MMP26: variants seen among roughly 807,000 people sequenced by gnomAD.
MMP26 encodes the protein matrix metalloproteinase-26.
A neutral mutation model predicts 31.0 loss-of-function variants in MMP26; 33 were observed. The observed-to-expected ratio is 1.06, with a 90% CI of 0.81 to 1.42. The LOEUF (loss-of-function observed/expected upper bound fraction) is 1.42, where lower values mean the gene tolerates loss of function less well. Ranked by LOEUF, MMP26 falls within the 40% of genes most tolerant of loss-of-function variation. MMP26 has a pLI of 0.00. For synonymous variants in MMP26, 122 were observed against 114.9 expected (o/e 1.06, Z -0.40); for missense variants, 347 against 316.1 (o/e 1.10, Z -0.74).
At chr11:4,894,089 C>T (rs1026473136) in intron 2 of MMP26, among the ~76,000 whole-genome samples, 1 of 152,060 alleles carries the variant, frequency 6.6e-6, no homozygotes, top group Non-Finnish European at 1.5e-5. Flanking sequence ...TAATTAAGTG[C>T]TTTATTTTAC....
chr11:4,934,905 T>A (rs931370719), intron 2 of MMP26, among the ~76,000 whole-genome samples: 9 of 151,520 alleles, frequency 5.9e-5, no homozygotes, highest in Non-Finnish European at 1.2e-4. Flanking sequence ...GCGTTATTTC[T>A]GAGGGCTCCG....
rs538094100 is a variant in MMP26, at chr11:4,870,686, G to T, written c.-145+103345G>T. Among the ~76,000 whole-genome samples, 6 of 152,226 alleles carry T rather than the reference G, an allele frequency of 3.9e-5. No individual in the cohort carries two copies. The South Asian group carries it at 1.0e-3, about 26-fold the overall frequency. ...TTTGGGTAACTGGGTGAATTGTGGTGTGGTTAGTGATTTACTGAAATGAAC... is the reference window on the plus strand; with the variant it reads ...TTTGGGTAACTGGGTGAATTGTGGTTTGGTTAGTGATTTACTGAAATGAAC... On this transcript the variant is annotated intron_variant, in intron 2 of 7. Transcript: ENST00000380390.
At chr11:4,903,766 T>G (rs1850839367) in intron 2 of MMP26, 1 of 152,142 alleles carries the variant, frequency 6.6e-6, no homozygotes, top group African/African-American at 2.4e-5. Context: ...TTCTTGTTTT[T>G]ATCCTTCAGG....
intron 2 of MMP26, chr11:4,946,235 T>C (rs758426097): frequency 1.2e-6 from 2 of 1,613,972 alleles, no homozygotes; most frequent in Non-Finnish European, 8.5e-7. Flanking sequence ...AACAATTGGG[T>C]TCGTCAGTGG....
At chr11:4,835,067 A>T (rs1849698318) in intron 2 of MMP26, among the ~76,000 whole-genome samples, 1 of 151,754 alleles carries the variant, frequency 6.6e-6, no homozygotes, top group Non-Finnish European at 1.5e-5. Flanking sequence ...AGATCCCACT[A>T]CTCACAGTGT....
At chr11:4,730,466 T>A (rs11033577) in intron 1 of MMP26, among the ~76,000 whole-genome samples, 90,362 of 151,464 alleles carry the variant, frequency 0.6, 27,934 homozygotes, top group African/African-American at 0.74. Flanking sequence ...GACTACTGCA[T>A]ACTCAACCAA....
intron 2 of MMP26, among the ~76,000 whole-genome samples, chr11:4,883,461 C>T (rs1850507722): frequency 6.6e-6 from 1 of 152,080 alleles, no homozygotes; most frequent in Middle Eastern, 3.2e-3. Context: ...TCTTTAATCC[C>T]TTTTCTTCTT....
intron 1 of MMP26, chr11:4,724,313 G>C: frequency 3.2e-6 from 1 of 310,638 alleles, no homozygotes; most frequent in Middle Eastern, 9.4e-4. Flanking sequence ...TACTCTTCAG[G>C]GCCTGAAAAC....
intron 2 of MMP26, among the ~76,000 whole-genome samples, chr11:4,948,924 T>G (rs1044648106): frequency 8.0e-6 from 1 of 124,770 alleles, no homozygotes; most frequent in African/African-American, 2.7e-5. Flanking sequence ...CTTAGCTTTC[T>G]CCAGGTACTT....
Position 4,846,475 on chromosome 11 carries a change from G to A in MMP26, c.-145+79134G>A, listed in dbSNP as rs185018515. On this transcript the variant is annotated intron_variant, in intron 2 of 7. Coordinates refer to ENST00000380390, the MANE Select transcript of MMP26 (RefSeq NM_021801.5). ...AAAAAATAATAGAAAGAATGAATAA[G>A]ACCTACTATTTGATAGTGCAATAGA... Among the ~76,000 whole-genome samples, 39 of 152,126 alleles carry A rather than the reference G, an allele frequency of 2.6e-4. 1 individual carries two copies. The highest frequency in any genetic ancestry group is 9.2e-4 in the African/African-American group (38 of 41,512).
chr11:4,759,081 A>T lies in MMP26; in HGVS notation c.-216-8189A>T, dbSNP rs373105059. ...AGCCGAGATCATGCCACTGCATTCC[A>T]GCCTGGGCAACAAGAGTGACATTCC... On this transcript the variant is annotated intron_variant, in intron 1 of 7. Transcript: ENST00000380390. Among the ~76,000 whole-genome samples the T allele has an allele frequency of 3.5e-5, 5 of 143,318 alleles. No homozygotes were observed. In the East Asian group the frequency reaches 1.0e-3, roughly 29 times the overall value. The allele number at this position is 143,318 out of a possible 152,430, so 94.0% of individuals were successfully genotyped here.
At chr11:4,935,537 C>T (rs1851426380) in intron 2 of MMP26, among the ~76,000 whole-genome samples, 2 of 151,690 alleles carry the variant, frequency 1.3e-5, no homozygotes. Flanking sequence ...GACAATTTGA[C>T]TTCCTCTTTT....
chr11:4,778,679 A>G (rs1331631531), intron 2 of MMP26, among the ~76,000 whole-genome samples: 1 of 152,080 alleles, frequency 6.6e-6, no homozygotes, highest in Non-Finnish European at 1.5e-5. Flanking sequence ...TTGGGATTAC[A>G]TATATATGCC....
chr11:4,969,298 A>G lies in MMP26; in HGVS notation c.-144-18770A>G, dbSNP rs558005121. 9.9e-5 allele frequency among the ~76,000 whole-genome samples: 15 copies of G among 152,176 alleles called. No individual in the cohort carries two copies. In the East Asian group the frequency reaches 1.3e-3, roughly 14 times the overall value. ...TAAAACATATAACAATAAGATGCCA[A>G]AAGAGTGTAAACTTAAACTTATGCT... On this transcript the variant is annotated intron_variant, in intron 2 of 7. Transcript: ENST00000380390.
intron 2 of MMP26, among the ~76,000 whole-genome samples, chr11:4,838,014 T>C (rs1266806649): frequency 1.3e-5 from 2 of 151,970 alleles, no homozygotes; most frequent in African/African-American, 4.8e-5. Flanking sequence ...TTCTCTGACA[T>C]AGTATAGAAG....
chr11:4,861,182 A>G (rs1046408151), intron 2 of MMP26, among the ~76,000 whole-genome samples: 3 of 150,224 alleles, frequency 2.0e-5, no homozygotes, highest in Non-Finnish European at 4.4e-5. Flanking sequence ...ATATGTATTT[A>G]GAAGTATATA....
chr11:4,976,610 C>A (rs1194204651), intron 2 of MMP26, among the ~76,000 whole-genome samples: 2 of 151,974 alleles, frequency 1.3e-5, no homozygotes, highest in East Asian at 3.9e-4. Context: ...GACTCTAGCC[C>A]TTCTACCTTG....
chr11:4,803,864 G>T, intron 2 of MMP26: 1 of 1,612,538 alleles, frequency 6.2e-7, no homozygotes, highest in South Asian at 1.1e-5. Flanking sequence ...GCTTGGTGTT[G>T]GCAGAAGGGC....
intron 2 of MMP26, among the ~76,000 whole-genome samples, chr11:4,899,176 G>A (rs1453008330): frequency 6.6e-6 from 1 of 152,132 alleles, no homozygotes; most frequent in Non-Finnish European, 1.5e-5. Flanking sequence ...CCAAATTCAG[G>A]AATCTGGGAG....
Sources: allele counts gnomAD v4.1 joint callset (sites outside exome capture counted in the v4.1 genomes callset), GRCh38; gene constraint gnomAD v4.1.1; transcripts MANE v1.5; gene names NCBI Gene and HGNC (gene_info 2026-07-23, HGNC 2026-07-21).